The following PRICKLE2 variants were observed in gnomAD, a reference collection of about 807,000 sequenced individuals.
The protein encoded by PRICKLE2 is prickle-like protein 2.
Under a neutral mutation model 81.4 loss-of-function variants are expected in PRICKLE2, and 21 were observed. That is an observed-to-expected ratio of 0.26 (90% CI 0.18 to 0.37). PRICKLE2 has a LOEUF of 0.37. Ranked by LOEUF, PRICKLE2 falls within the 10% of genes least tolerant of loss-of-function variation. The pLI, the probability that PRICKLE2 is intolerant of heterozygous loss-of-function variation, is 1.00. For missense variants in PRICKLE2, 940 were observed against 1,109.0 expected (o/e 0.85, Z 2.16); for synonymous variants, 456 against 421.5 (o/e 1.08, Z -1.00).
At chr3:64,245,894 T>G (rs2079342978) in intron 2 of PRICKLE2, among the ~76,000 whole-genome samples, 1 of 152,182 alleles carries the variant, frequency 6.6e-6, no homozygotes, top group South Asian at 2.1e-4. Context: ...TGGGGTTCTC[T>G]CTCATTAAAT....
chr3:64,133,448 C>T (rs747712110), intron 7 of PRICKLE2, among the ~76,000 whole-genome samples: 5 of 152,134 alleles, frequency 3.3e-5, no homozygotes, highest in South Asian at 4.1e-4. Flanking sequence ...TGGAAAACTT[C>T]CATTACTGTA....
At chr3:64,185,766 T>C (rs1274853191) in intron 2 of PRICKLE2, among the ~76,000 whole-genome samples, 6 of 152,246 alleles carry the variant, frequency 3.9e-5, no homozygotes, top group Admixed American at 3.9e-4. Context: ...CATTCATTCA[T>C]TTATTCCATC....
chr3:64,195,279 G>A (rs1216717802), intron 2 of PRICKLE2, among the ~76,000 whole-genome samples: 1 of 152,038 alleles, frequency 6.6e-6, no homozygotes, highest in African/African-American at 2.4e-5. Flanking sequence ...TAAAAGGCTG[G>A]GTTTTACAGC....
At chr3:64,236,510 G>A (rs943993177) in intron 2 of PRICKLE2, among the ~76,000 whole-genome samples, 3 of 152,194 alleles carry the variant, frequency 2.0e-5, no homozygotes, top group Non-Finnish European at 4.4e-5. Flanking sequence ...TGAAAAAAAA[G>A]AGAATGAGGA....
chr3:64,107,926 C>A lies in PRICKLE2; in HGVS notation c.1661-8001G>T, dbSNP rs141160513. 4.2e-3 allele frequency among the ~76,000 whole-genome samples: 637 copies of A among 152,344 alleles called. 2 individuals carry two copies. Among genetic ancestry groups the A allele is most frequent in the African/African-American group, 0.015 (620 of 41,580 alleles). The stretch of plus-strand genomic sequence containing the variant: ...TTATACTGATGACGTAGCTCCCTTT[C>A]ATTAGGGTCTTTCCTATATGATTTT... On this transcript the variant is annotated intron_variant, in intron 7 of 7. Transcript: ENST00000638394.
intron 2 of PRICKLE2, among the ~76,000 whole-genome samples, chr3:64,190,523 G>A (rs987712578): frequency 2.0e-5 from 3 of 152,016 alleles, no homozygotes; most frequent in African/African-American, 2.4e-5. Flanking sequence ...TGTCCCCAGC[G>A]CCCAGAACAC....
At chr3:64,206,854 G>A (rs2078696488) in intron 1 of PRICKLE2, among the ~76,000 whole-genome samples, 1 of 152,204 alleles carries the variant, frequency 6.6e-6, no homozygotes, top group Non-Finnish European at 1.5e-5. Context: ...AATAACAGAT[G>A]TATCCTAGGT....
chr3:64,254,939 G>T (rs185474715), intron 2 of PRICKLE2, among the ~76,000 whole-genome samples: 1 of 152,232 alleles, frequency 6.6e-6, no homozygotes, highest in African/African-American at 2.4e-5. Context: ...TGCCCCTACA[G>T]GATTGTTGTG....
intron 7 of PRICKLE2, among the ~76,000 whole-genome samples, chr3:64,106,393 G>A (rs1575541554): frequency 6.6e-6 from 1 of 152,190 alleles, no homozygotes; most frequent in East Asian, 1.9e-4. Context: ...ATTGTCGAGG[G>A]TTGCTTTCTG....
At chr3:64,238,843 G>A (rs2079220068) in intron 2 of PRICKLE2, among the ~76,000 whole-genome samples, 1 of 152,204 alleles carries the variant, frequency 6.6e-6, no homozygotes. Flanking sequence ...TCAAGTCTGA[G>A]TATAAACACA....
intron 7 of PRICKLE2, chr3:64,104,368 CAA>C (rs1337053917): frequency 1.3e-5 from 2 of 152,210 alleles, no homozygotes; most frequent in African/African-American, 4.8e-5. Context: ...AAGGTGGACA[CAA>C]TGATCTTTGC....
intron 2 of PRICKLE2, among the ~76,000 whole-genome samples, chr3:64,189,091 A>G (rs912661637): frequency 2.6e-5 from 4 of 152,212 alleles, no homozygotes; most frequent in African/African-American, 9.6e-5. Context: ...TTGGCACTCA[A>G]AAAATATTTG....
At chr3:64,137,054 C>A (rs56077180) in intron 7 of PRICKLE2, among the ~76,000 whole-genome samples, 1 of 152,092 alleles carries the variant, frequency 6.6e-6, no homozygotes, top group Admixed American at 6.5e-5. Flanking sequence ...TGAACTAATA[C>A]GTAGGGAAGA....
At chr3:64,211,428 G>T (rs1455093398) in intron 1 of PRICKLE2, among the ~76,000 whole-genome samples, 1 of 152,202 alleles carries the variant, frequency 6.6e-6, no homozygotes, top group Non-Finnish European at 1.5e-5. Flanking sequence ...TTGTGAAAAA[G>T]ATATTTAAAA....
chr3:64,239,507 G>C (rs2079230673), intron 2 of PRICKLE2, among the ~76,000 whole-genome samples: 1 of 152,174 alleles, frequency 6.6e-6, no homozygotes, highest in African/African-American at 2.4e-5. Flanking sequence ...GAGCCACCAG[G>C]TGCTATCCAC....
chr3:64,141,985 T>A, intron 7 of PRICKLE2: 1 of 974,476 alleles, frequency 1.0e-6, no homozygotes, highest in Non-Finnish European at 1.2e-6. Context: ...TAGTTTAGAA[T>A]GCTATTAAAA....
intron 1 of PRICKLE2, among the ~76,000 whole-genome samples, chr3:64,212,303 A>G (rs1183169585): frequency 6.6e-6 from 1 of 152,198 alleles, no homozygotes; most frequent in African/African-American, 2.4e-5. Flanking sequence ...TCTACATGCC[A>G]CCTGTGATTT....
At chr3:64,167,592 G>A (rs185599355) in intron 2 of PRICKLE2, among the ~76,000 whole-genome samples, 85 of 152,290 alleles carry the variant, frequency 5.6e-4, no homozygotes, top group Non-Finnish European at 1.5e-4. Flanking sequence ...GCAAAGCCTC[G>A]CCCAGCTGGA....
At chr3:64,106,527 A>C (rs1467606784) in intron 7 of PRICKLE2, among the ~76,000 whole-genome samples, 3 of 152,218 alleles carry the variant, frequency 2.0e-5, no homozygotes, top group Non-Finnish European at 2.9e-5. Flanking sequence ...TGATGCACTG[A>C]TATCCACTTG....
Sources: gnomAD v4.1 joint callset for allele counts (sites outside exome capture counted in the v4.1 genomes callset) on GRCh38, gnomAD v4.1.1 for gene constraint, MANE v1.5 for transcripts, NCBI Gene and HGNC (gene_info 2026-07-23, HGNC 2026-07-21) for gene names.